MBNL1: variants seen among roughly 807,000 people sequenced by gnomAD.
MBNL1 encodes muscleblind like splicing regulator 1, also known as muscleblind-like protein 1.
A neutral mutation model predicts 42.2 loss-of-function variants in MBNL1; 8 were observed. That is an observed-to-expected ratio of 0.19 (90% CI 0.11 to 0.34). The LOEUF (loss-of-function observed/expected upper bound fraction) is 0.34. Ranked by LOEUF, MBNL1 falls within the 10% of genes least tolerant of loss-of-function variation. The pLI is 1.00. For missense variants in MBNL1, 309 were observed against 495.3 expected (o/e 0.62, Z 3.57); for synonymous variants, 169 against 173.9 (o/e 0.97, Z 0.22).
intron 2 of MBNL1, among the ~76,000 whole-genome samples, chr3:152,388,046 T>C (rs915023881): frequency 4.6e-5 from 7 of 152,214 alleles, no homozygotes; most frequent in Admixed American, 3.9e-4. Context: ...GCCTTTTGCA[T>C]TGTTTTATGG....
intron 1 of MBNL1, among the ~76,000 whole-genome samples, chr3:152,274,196 TA>T (rs2043531653): frequency 6.7e-6 from 1 of 148,390 alleles, no homozygotes; most frequent in South Asian, 2.2e-4. Context: ...GAACTTGTTT[TA>T]GAGAGCTAAG....
At chr3:152,320,633 A>C (rs567094850) in intron 2 of MBNL1, among the ~76,000 whole-genome samples, 1 of 151,572 alleles carries the variant, frequency 6.6e-6, no homozygotes, top group South Asian at 2.1e-4. Context: ...CAAAGGTTGC[A>C]TAGGGAGAAA....
At position 152,463,928 on chromosome 3, in the gene MBNL1, G is replaced by GAGAT. The variant is rs775532909; in HGVS notation, c.*1563_*1566dup. 6.6e-6 allele frequency: 1 copy of GAGAT among 152,432 alleles called. No individual in the cohort carries two copies. Among genetic ancestry groups the GAGAT allele is most frequent in the Non-Finnish European group, 1.5e-5 (1 of 67,956 alleles). The allele number at this position is 152,432 out of a possible 1,614,324, so 9.4% of individuals were successfully genotyped here. On this transcript the variant is annotated 3_prime_UTR_variant, in exon 10 of 10. Coordinates refer to ENST00000324210, the MANE Select transcript of MBNL1 (RefSeq NM_021038.5). ...TTACTGCAAGTTTTTATGCTTGAGA[G>GAGAT]AGATGCTTTCTAATATAAGACTGAT...
intron 3 of MBNL1, among the ~76,000 whole-genome samples, chr3:152,428,054 A>G (rs1417101729): frequency 6.6e-6 from 1 of 152,128 alleles, no homozygotes; most frequent in African/African-American, 2.4e-5. Context: ...CTTAATATAA[A>G]AAATTGCAAA....
upstream of MBNL1, chr3:152,265,746 T>C (rs1257836877): frequency 6.6e-6 from 1 of 152,228 alleles, no homozygotes; most frequent in Non-Finnish European, 1.5e-5. Context: ...AAATGTAGTT[T>C]ATTTCATCTG....
At chr3:152,417,475 C>G (rs1451442443) in intron 3 of MBNL1, among the ~76,000 whole-genome samples, 1 of 152,152 alleles carries the variant, frequency 6.6e-6, no homozygotes, top group Non-Finnish European at 1.5e-5. Context: ...ATACCATCAG[C>G]AGTATTCAGA....
chr3:152,439,428 C>T (rs1478380510), intron 4 of MBNL1, among the ~76,000 whole-genome samples: 5 of 152,058 alleles, frequency 3.3e-5, no homozygotes, highest in Non-Finnish European at 7.4e-5. Flanking sequence ...AAAGTCTTAT[C>T]GGTAGGATTA....
chr3:152,330,673 G>A (rs964709134), intron 2 of MBNL1, among the ~76,000 whole-genome samples: 1 of 152,032 alleles, frequency 6.6e-6, no homozygotes. Flanking sequence ...GTTACCCATG[G>A]TACAACACGA....
In MBNL1 at chr3:152,300,359, T is replaced by G. The variant is rs1470851598; in HGVS notation, c.166T>G (p.Ser56Ala). The G allele has an allele frequency of 6.2e-7, 1 of 1,613,586 alleles. No individual in the cohort carries two copies. The highest frequency in any genetic ancestry group is 2.2e-5 in the East Asian group (1 of 44,884). ...ENGRVIACFD[S>A]LKGRCSRENC... Reference sequence around the variant, plus strand: ...TGGACGAGTAATCGCCTGCTTTGATTCATTGAAAGTGAGTAACTATTATAT... The same window carrying G: ...TGGACGAGTAATCGCCTGCTTTGATGCATTGAAAGTGAGTAACTATTATAT... Residue 56 changes from serine (S) to alanine (A), a missense_variant, in exon 2 of 10, where the codon TCA becomes GCA. Transcript: ENST00000324210.
chr3:152,334,430 T>C (rs1308299866), intron 2 of MBNL1, among the ~76,000 whole-genome samples: 7 of 152,192 alleles, frequency 4.6e-5, no homozygotes, highest in Non-Finnish European at 1.0e-4. Context: ...TCCAGCCACA[T>C]TGTAGCCACT....
At chr3:152,252,757 C>T (rs867142136) in intron 2 of MBNL1, among the ~76,000 whole-genome samples, 32 of 151,742 alleles carry the variant, frequency 2.1e-4, no homozygotes, top group Non-Finnish European at 3.1e-4. Context: ...GGGCATGTTA[C>T]GGAAAAAATA....
At chr3:152,409,227 A>C (rs1579800919) in intron 2 of MBNL1, among the ~76,000 whole-genome samples, 1 of 152,096 alleles carries the variant, frequency 6.6e-6, no homozygotes, top group South Asian at 2.1e-4. Flanking sequence ...AAAATCATTC[A>C]CCTTATAAGC....
chr3:152,414,773 T>C (rs2098667916), intron 2 of MBNL1, among the ~76,000 whole-genome samples, 168 bp from the exon 3 acceptor site: 1 of 152,234 alleles, frequency 6.6e-6, no homozygotes, highest in Non-Finnish European at 1.5e-5. Context: ...TGATAGTACA[T>C]TCTGGTGAAT....
intron 2 of MBNL1, among the ~76,000 whole-genome samples, chr3:152,379,839 G>C (rs2097104091): frequency 6.6e-6 from 1 of 152,030 alleles, no homozygotes; most frequent in Admixed American, 6.6e-5. Flanking sequence ...TTCCGCCTCT[G>C]CTCCATTGGA....
At chr3:152,340,426 C>G in intron 2 of MBNL1, 2 of 1,406,294 alleles carry the variant, frequency 1.4e-6, no homozygotes, top group Non-Finnish European at 9.6e-7. Flanking sequence ...TTTTTCCTGC[C>G]AAGTTCAGTT....
chr3:152,339,875 T>C (rs1281127422), intron 2 of MBNL1: 2 of 152,218 alleles, frequency 1.3e-5, no homozygotes, highest in Non-Finnish European at 2.9e-5. Context: ...TGCTGTAAGA[T>C]GAGCAAAAGA....
At chr3:152,271,097 T>A (rs1428146953) in intron 1 of MBNL1, among the ~76,000 whole-genome samples, 2 of 152,120 alleles carry the variant, frequency 1.3e-5, no homozygotes, top group Non-Finnish European at 2.9e-5. Context: ...TCAAGTGTGG[T>A]ACTCTGCGCA....
At chr3:152,376,399 T>G (rs1429180984) in intron 2 of MBNL1, among the ~76,000 whole-genome samples, 2 of 152,198 alleles carry the variant, frequency 1.3e-5, no homozygotes, top group Non-Finnish European at 2.9e-5. Flanking sequence ...TAATCTTTTG[T>G]CTAATACAGT....
intron 3 of MBNL1, among the ~76,000 whole-genome samples, chr3:152,420,719 G>A (rs1234033170): frequency 6.6e-6 from 1 of 152,178 alleles, no homozygotes; most frequent in African/African-American, 2.4e-5. Flanking sequence ...CTTCTCCAAA[G>A]GATCACAACT....
Sources: allele counts gnomAD v4.1 joint callset (sites outside exome capture counted in the v4.1 genomes callset), GRCh38; gene constraint gnomAD v4.1.1; transcripts MANE v1.5; gene names NCBI Gene and HGNC (gene_info 2026-07-23, HGNC 2026-07-21).